SP3: variants seen among roughly 807,000 people sequenced by gnomAD.
SP3 encodes the protein transcription factor Sp3.
A neutral mutation model predicts 70.3 loss-of-function variants in SP3; 10 were observed. The ratio of observed to expected loss-of-function variants is 0.14; its 90% CI spans 0.09 to 0.24. The LOEUF is 0.24. SP3 is among the 10% of genes least tolerant of loss of function. The probability of loss-of-function intolerance (pLI) is 1.00; values close to 1 mark genes in which losing one functional copy is unlikely to be tolerated. For synonymous variants in SP3, 402 were observed against 333.5 expected (o/e 1.21, Z -2.24); for missense variants, 825 against 914.6 (o/e 0.90, Z 1.26).
At chr2:173,926,243 C>T (rs1200228872) in intron 4 of SP3, among the ~76,000 whole-genome samples, 1 of 152,106 alleles carries the variant, frequency 6.6e-6, no homozygotes, top group Admixed American at 6.5e-5. Context: ...TTTTTCAAGC[C>T]TCCTTCTTTA....
intron 4 of SP3, among the ~76,000 whole-genome samples, chr2:173,931,625 AGCC>A (rs1690070595): frequency 6.6e-6 from 1 of 151,906 alleles, no homozygotes; most frequent in Non-Finnish European, 1.5e-5. Flanking sequence ...TACAGGTGTG[AGCC>A]ACCACGCCCA....
Position 173,955,358 on chromosome 2 carries a change from T to C in SP3, c.1154A>G (p.Asn385Ser). The change falls in exon 4 of 7, where the codon AAT becomes AGT. Residue 385 changes from asparagine (N) to serine (S), a missense_variant. Physicochemically the swap from Asn to Ser is conservative, Grantham distance 46. Coordinates refer to ENST00000310015, the MANE Select transcript of SP3 (RefSeq NM_003111.5). ...AGGCTGTGCTGTAGAAACCTGAATA[T>C]TCTGTGCCTGTGTCTCTTCAGAAAC... ...SPVSEETQAQ[N>S]IQVSTAQPVV... 1 of 1,614,008 alleles carries C rather than the reference T, an allele frequency of 6.2e-7. No individual in the cohort carries two copies.
intron 4 of SP3, among the ~76,000 whole-genome samples, chr2:173,953,841 T>TA (rs66785309): frequency 2.7e-5 from 4 of 148,928 alleles, no homozygotes; most frequent in East Asian, 3.9e-4. Context: ...TCCCAACCCC[T>TA]AAAAAAAAAT....
rs1689341762 is a variant in SP3 at position 173,906,921 on chromosome 2, A to ATAAAT, written c.*3019_*3020insATTTA. ...TTTCTAATGAACAATACTGTTTAAG[A>ATAAAT]ACTATTTTCTATGAAATAGGCTTGA... On this transcript the variant is annotated 3_prime_UTR_variant, in exon 7 of 7. Transcript: ENST00000310015. 6.6e-6 allele frequency: 1 copy of ATAAAT among 152,218 alleles called. No individual in the cohort carries two copies. Among genetic ancestry groups the ATAAAT allele is most frequent in the African/African-American group, 2.4e-5 (1 of 41,464 alleles). The allele number at this position is 152,218 out of a possible 1,614,324, so 9.4% of individuals were successfully genotyped here. A position where few individuals can be genotyped will look rare whatever the true frequency, so the allele number is the denominator to read the frequency against.
rs1488367519 is a variant in SP3 at position 173,903,579 on chromosome 2, G to C, written c.*6362C>G. Among the ~76,000 whole-genome samples the C allele has an allele frequency of 5.9e-5, 9 of 152,180 alleles. No individual in the cohort carries two copies. The highest frequency in any genetic ancestry group is 5.9e-4 in the Admixed American group (9 of 15,280). On this transcript the variant is annotated 3_prime_UTR_variant, in exon 7 of 7. Coordinates refer to ENST00000310015, the MANE Select transcript of SP3 (RefSeq NM_003111.5). ...AGGATCAGGGTGTGAGGAGGACTAA[G>C]TAATTGGGTATACATAATTAAAAGA...
At chr2:173,920,773 T>A (rs575329548) in intron 4 of SP3, among the ~76,000 whole-genome samples, 3 of 152,190 alleles carry the variant, frequency 2.0e-5, no homozygotes, top group Admixed American at 6.5e-5. Context: ...GTATTTTTAG[T>A]AGAGACAGGG....
chr2:173,943,169 A>G (rs1051886642), intron 4 of SP3, among the ~76,000 whole-genome samples: 56 of 152,180 alleles, frequency 3.7e-4, no homozygotes, highest in African/African-American at 1.2e-3. Flanking sequence ...TACATAAATT[A>G]TATCAGTTCC....
At chr2:173,922,643 G>C (rs139362240) in intron 4 of SP3, among the ~76,000 whole-genome samples, 1 of 152,146 alleles carries the variant, frequency 6.6e-6, no homozygotes, top group Non-Finnish European at 1.5e-5. Context: ...GAGATATGAG[G>C]AAACTGGTGT....
chr2:173,903,708 A>G lies in SP3; in HGVS notation c.*6233T>C, dbSNP rs780129205. Among the ~76,000 whole-genome samples the G allele has an allele frequency of 1.6e-4, 24 of 152,202 alleles. No individual in the cohort carries two copies. The highest frequency in any genetic ancestry group is 3.2e-4 in the Non-Finnish European group (22 of 68,038). On this transcript the variant is annotated 3_prime_UTR_variant, in exon 7 of 7. Transcript: ENST00000310015. ...GCTGGCAGAAAGTCAGTATTCCACA[A>G]GACCAACCACAGATAAAGATACAGC...
chr2:173,958,617 AGAATC>A lies in SP3; in HGVS notation c.280-2390_280-2386del, dbSNP rs200809066. Among the ~76,000 whole-genome samples, 980 of 151,810 alleles carry A rather than the reference AGAATC, an allele frequency of 6.5e-3. 16 individuals are homozygous for A. The highest frequency in any genetic ancestry group is 0.037 in the East Asian group (192 of 5,190). On this transcript the variant is annotated intron_variant, in intron 3 of 6. Coordinates refer to ENST00000310015, the MANE Select transcript of SP3 (RefSeq NM_003111.5). ...AAAAGCAACAGGTAATTTAAGGAAA[AGAATC>A]AAGCAAGAAAAGGAACTTTTTTAAT...
At chr2:173,954,796 A>G (rs1690824137) in intron 4 of SP3, 77 bp downstream of exon 4, 1 of 1,346,550 alleles carries the variant, frequency 7.4e-7, no homozygotes, top group South Asian at 1.4e-5. Context: ...TGATGCTGAT[A>G]AATACCTAAA....
chr2:173,919,539 CTATT>C (rs1427981027), intron 4 of SP3, among the ~76,000 whole-genome samples: 7 of 152,096 alleles, frequency 4.6e-5, no homozygotes, highest in African/African-American at 1.7e-4. Context: ...TAGAAATCCA[CTATT>C]TATAAGGCTC....
intron 4 of SP3, among the ~76,000 whole-genome samples, chr2:173,936,074 C>A (rs1690203345): frequency 6.6e-6 from 1 of 152,170 alleles, no homozygotes; most frequent in African/African-American, 2.4e-5. Flanking sequence ...GTCACCCAGG[C>A]TGGAGAGCAG....
intron 4 of SP3, among the ~76,000 whole-genome samples, chr2:173,932,537 G>A (rs6741813): frequency 0.071 from 10,734 of 152,110 alleles, 565 homozygotes; most frequent in African/African-American, 0.14. Flanking sequence ...AGGGAGGCCC[G>A]AGGAGAAAGA....
intron 4 of SP3, among the ~76,000 whole-genome samples, chr2:173,941,389 C>G (rs75149926): frequency 0.12 from 18,063 of 152,216 alleles, 1,332 homozygotes; most frequent in Middle Eastern, 0.18. Context: ...AGGTGGATAA[C>G]GTGAGACCAG....
At chr2:173,942,721 G>C (rs1235788054) in intron 4 of SP3, among the ~76,000 whole-genome samples, 3 of 152,068 alleles carry the variant, frequency 2.0e-5, no homozygotes, top group African/African-American at 7.2e-5. Context: ...AGCCATAACA[G>C]ACTTAATTCC....
At position 173,910,024 on chromosome 2, in the gene SP3, C is replaced by T. The variant is rs758298021; in HGVS notation, c.2263G>A (p.Ala755Thr). 8.1e-6 allele frequency: 13 copies of T among 1,613,590 alleles called. No individual in the cohort carries two copies. The highest frequency in any genetic ancestry group is 4.4e-5 in the South Asian group (4 of 90,988). Reference protein sequence around the residue: ...VSGIGTVNTSATSNQDILTNT... With the variant: ...VSGIGTVNTSTTSNQDILTNT... ...GTAAGGATATCTTGATTGCTGGTGG[C>T]GGAAGTATTAACAGTTCCTATCCCT... is the stretch of plus-strand genomic sequence containing the variant. Residue 755 changes from alanine to threonine, a missense_variant, in exon 7 of 7, where the codon GCC becomes ACC. Transcript: ENST00000310015.
intron 3 of SP3, among the ~76,000 whole-genome samples, chr2:173,957,710 T>C (rs1471862269): frequency 1.3e-5 from 2 of 152,074 alleles, no homozygotes; most frequent in Non-Finnish European, 2.9e-5. Context: ...AAGTGAGTGG[T>C]GCAATCACAT....
intron 3 of SP3, among the ~76,000 whole-genome samples, chr2:173,956,815 C>T (rs912941228): frequency 3.9e-5 from 6 of 152,146 alleles, no homozygotes; most frequent in Admixed American, 6.6e-5. Flanking sequence ...AAAGTCATTG[C>T]CCTGTGACCA....
Sources: allele counts gnomAD v4.1 joint callset (sites outside exome capture counted in the v4.1 genomes callset), GRCh38; gene constraint gnomAD v4.1.1; transcripts MANE v1.5; gene names NCBI Gene and HGNC (gene_info 2026-07-23, HGNC 2026-07-21).